The following PTOV1 variants were observed in gnomAD, a reference collection of about 807,000 sequenced individuals.
PTOV1 encodes the protein PTOV1 extended AT-hook containing adaptor protein.
Under a neutral mutation model 58.0 loss-of-function variants are expected in PTOV1, and 20 were observed. The observed-to-expected ratio is 0.34, with a 90% CI of 0.24 to 0.50. The LOEUF (loss-of-function observed/expected upper bound fraction) is 0.50, where lower values mean the gene tolerates loss of function less well. Among genes scored for constraint, PTOV1 ranks in the 20% least tolerant of loss-of-function variants. PTOV1 has a pLI of 0.98. For missense variants in PTOV1, 593 were observed against 565.4 expected (o/e 1.05, Z -0.50); for synonymous variants, 335 against 234.2 (o/e 1.43, Z -3.93).
exon 12 of PTOV1, chr19:49,860,617 A>G: frequency 2.1e-6 from 1 of 484,404 alleles, no homozygotes; most frequent in Non-Finnish European, 3.7e-6. Context: ...CCCCCAGGTG[A>G]CACGCTTCTG....
Position 49,854,828 on chromosome 19 carries a change from T to C in PTOV1, c.393-3T>C. The C allele has an allele frequency of 1.2e-6, 2 of 1,613,214 alleles. No individual in the cohort carries two copies. Among genetic ancestry groups the C allele is most frequent in the Non-Finnish European group, 1.7e-6 (2 of 1,179,940 alleles). ...GCCCTTTCTGACCAGCTCCTTCCCA[T>C]AGGGAGACCGACCAGTGGCCGCAGA... On this transcript the variant is annotated splice_polypyrimidine_tract_variant and splice_region_variant and intron_variant, in intron 3 of 11. Transcript: ENST00000391842.
At chr19:49,853,357 T>TA in intron 1 of PTOV1, 2 of 152,158 alleles carry the variant, frequency 1.3e-5, no homozygotes, top group East Asian at 3.9e-4. Flanking sequence ...TTTTTGGTTT[T>TA]AAAAAACAAT....
At chr19:49,851,376 C>T in exon 1 of PTOV1, 1 of 1,145,570 alleles carries the variant, frequency 8.7e-7, no homozygotes, top group African/African-American at 1.6e-5. Flanking sequence ...CCGGGGGCCC[C>T]CTCGGGGGTC....
chr19:49,853,991 G>A (rs567793100), intron 1 of PTOV1, among the ~76,000 whole-genome samples: 8 of 152,346 alleles, frequency 5.3e-5, no homozygotes, highest in African/African-American at 1.9e-4. Flanking sequence ...CAGACACAGC[G>A]CAAGCCGGCT....
Position 49,853,493 on chromosome 19 carries a change from T to TAA in PTOV1, c.172-892_172-891dup, listed in dbSNP as rs34050372. On this transcript the variant is annotated intron_variant, in intron 1 of 11. Transcript: ENST00000391842. ...CAACATGGTGAAACCCCATCTCTAC[T>TAA]AAAAAAAAAAAAAAAAAAAAAATTA... Among the ~76,000 whole-genome samples the TAA allele has an allele frequency of 6.3e-3, 721 of 113,570 alleles. 3 individuals carry two copies. Among genetic ancestry groups the TAA allele is most frequent in the Middle Eastern group, 0.015 (3 of 206 alleles). 74.5% of individuals were successfully genotyped at this position (113,570 alleles called of 152,430 possible).
chr19:49,851,689 C>G, intron 1 of PTOV1, 190 bp downstream of exon 1: 4 of 1,095,864 alleles, frequency 3.7e-6, no homozygotes, highest in Non-Finnish European at 4.4e-6. Flanking sequence ...CCCTTTGTTG[C>G]GCGTTCGGGC....
chr19:49,857,170 G>A (rs1441303237), intron 6 of PTOV1, 40 bp downstream of exon 6: 4 of 1,608,730 alleles, frequency 2.5e-6, no homozygotes, highest in African/African-American at 1.3e-5. Context: ...GACAGAGGGG[G>A]ATTAGACCCC....
chr19:49,857,320 G>A lies in PTOV1; in HGVS notation c.714+190G>A, dbSNP rs2074517136. ...GGAAAAGCGGCCACTGGGCGGCTCT[G>A]CAGGGCTGGAGGGTGGGTCTTGGCG... On this transcript the variant is annotated intron_variant, in intron 6 of 11. Transcript: ENST00000391842. 6.3e-6 allele frequency: 5 copies of A among 797,088 alleles called. No individual in the cohort carries two copies. The East Asian group carries it at 1.3e-4, about 21-fold the overall frequency. The allele number at this position is 797,088 out of a possible 1,614,324, so 49.4% of individuals were successfully genotyped here.
exon 5 of PTOV1, chr19:49,854,975 C>T (rs745395094): frequency 2.5e-6 from 4 of 1,599,444 alleles, no homozygotes; most frequent in East Asian, 2.3e-5. Context: ...CCCAGACCAC[C>T]CTGGGCCCCC....
chr19:49,858,328 G>GGGCAGC, intron 9 of PTOV1: 1 of 720,790 alleles, frequency 1.4e-6, no homozygotes, highest in South Asian at 1.8e-5. Flanking sequence ...AGCGGGGCAG[G>GGGCAGC]GGCAGCCACG....
At chr19:49,856,738 T>G (rs1475902424) in intron 5 of PTOV1, 1 of 520,360 alleles carries the variant, frequency 1.9e-6, no homozygotes, top group Non-Finnish European at 3.4e-6. Context: ...CTTGGCATTC[T>G]CACCGCAGCC....
exon 12 of PTOV1, chr19:49,860,296 G>C: frequency 1.2e-6 from 2 of 1,612,436 alleles, no homozygotes. Flanking sequence ...CCCCGGGCTG[G>C]GCCCCTCCAG....
intron 1 of PTOV1, among the ~76,000 whole-genome samples, chr19:49,853,494 A>T (rs952830595): frequency 2.1e-4 from 10 of 48,282 alleles, no homozygotes; most frequent in Non-Finnish European, 1.7e-4. Context: ...CATCTCTACT[A>T]AAAAAAAAAA....
At chr19:49,854,619 C>T in intron 2 of PTOV1, 33 bp from the exon 3 acceptor site, 2 of 1,613,226 alleles carry the variant, frequency 1.2e-6, no homozygotes, top group Non-Finnish European at 1.7e-6. Context: ...GGCATCTAGG[C>T]TGTGCACAGT....
At position 49,858,670 on chromosome 19, in the gene PTOV1, G is replaced by T; in HGVS notation, c.1041+17G>T. ...AATGGCTTCGTGAGTGGTGCCAGCA[G>T]ACGCAGGGGAGGGGCCGGCCAGGGC... On this transcript the variant is annotated intron_variant, in intron 10 of 11. Coordinates refer to ENST00000391842, the Ensembl canonical transcript of PTOV1. 5 of 1,574,082 alleles carry T rather than the reference G, an allele frequency of 3.2e-6. No individual in the cohort carries two copies. Among genetic ancestry groups the T allele is most frequent in the Non-Finnish European group, 3.5e-6 (4 of 1,158,020 alleles).
At chr19:49,853,864 A>G (rs75644086) in intron 1 of PTOV1, among the ~76,000 whole-genome samples, 4,465 of 152,232 alleles carry the variant, frequency 0.029, 100 homozygotes, top group South Asian at 0.12. Flanking sequence ...GGTCAGACTT[A>G]TAAGGCCAGA....
rs774232570 is a variant in PTOV1, at chr19:49,860,186, G to A, written c.1239+3G>A. 1 of 1,614,112 alleles carries A rather than the reference G, an allele frequency of 6.2e-7. No individual in the cohort carries two copies. Among genetic ancestry groups the A allele is most frequent in the African/African-American group, 1.3e-5 (1 of 75,050 alleles). Reference sequence around the variant, plus strand: ...AGCAGGAGCAACAGCAACGAGGGGTGAGGTGGCCGGCCTCCAGGGCTGCTC... The same window carrying A: ...AGCAGGAGCAACAGCAACGAGGGGTAAGGTGGCCGGCCTCCAGGGCTGCTC... On this transcript the variant is annotated splice_donor_region_variant and intron_variant, in intron 11 of 11. Transcript: ENST00000391842.
At chr19:49,855,394 T>G (rs1021130102) in intron 5 of PTOV1, 3 of 397,200 alleles carry the variant, frequency 7.6e-6, no homozygotes, top group Non-Finnish European at 9.5e-6. Context: ...ACATAGCGTA[T>G]GGCAGGGACC....
In PTOV1 at chr19:49,854,816, A is replaced by G. The variant is rs775802191; in HGVS notation, c.393-15A>G. On this transcript the variant is annotated splice_polypyrimidine_tract_variant and intron_variant, in intron 3 of 11. Coordinates refer to ENST00000391842, the Ensembl canonical transcript of PTOV1. The stretch of plus-strand genomic sequence containing the variant: ...GGGATCAGGGCAGCCCTTTCTGACC[A>G]GCTCCTTCCCATAGGGAGACCGACC... The G allele has an allele frequency of 6.2e-7, 1 of 1,613,344 alleles. No homozygotes were observed. Among genetic ancestry groups the G allele is most frequent in the Non-Finnish European group, 8.5e-7 (1 of 1,179,980 alleles).
Sources: gnomAD v4.1 joint callset for allele counts (sites outside exome capture counted in the v4.1 genomes callset) on GRCh38, gnomAD v4.1.1 for gene constraint, MANE v1.5 for transcripts, NCBI Gene and HGNC (gene_info 2026-07-23, HGNC 2026-07-21) for gene names.